Variants in TMC1 observed in about 807,000 individuals in gnomAD.
The protein encoded by TMC1 is transmembrane channel-like protein 1.
TMC1 carries 84 observed loss-of-function variants against 105.8 expected under a neutral mutation model. That is an observed-to-expected ratio of 0.79 (90% confidence interval 0.67 to 0.95). TMC1 has a LOEUF of 0.95. Ranked by LOEUF, TMC1 falls within the 40% of genes least tolerant of loss-of-function variation. The pLI is 0.00. For missense variants in TMC1, 817 were observed against 914.1 expected, an observed-to-expected ratio of 0.89 and a Z score of 1.37; for synonymous variants, 315 against 311.5, an observed-to-expected ratio of 1.01 and a Z score of -0.12.
At chr9:72,566,925 T>A (rs1366445592) in intron 1 of TMC1, among the ~76,000 whole-genome samples, 2 of 152,238 alleles carry the variant, frequency 1.3e-5, no homozygotes, top group African/African-American at 4.8e-5. Flanking sequence ...GCAAGAGAGA[T>A]CTTTCTCAAA....
Position 72,694,594 on chromosome 9 carries a change from G to A in TMC1, c.116G>A (p.Arg39Lys). Residue 39 changes from arginine to lysine, a missense_variant, in exon 7 of 24, where the codon AGA becomes AAA. Coordinates refer to ENST00000297784, the MANE Select transcript of TMC1 (RefSeq NM_138691.3). ...AAGCTACCTCGAAGAGAGAGCTTGA[G>A]ACCAAAGAGGAAACGGACCAGAGAT... Reference protein sequence around the residue: ...EDKLPRRESLRPKRKRTRDVI... With the variant: ...EDKLPRRESLKPKRKRTRDVI... 6.2e-7 allele frequency: 1 copy of A among 1,613,078 alleles called. No individual in the cohort carries two copies. Among genetic ancestry groups the A allele is most frequent in the Non-Finnish European group, 8.5e-7 (1 of 1,179,502 alleles).
At chr9:72,680,868 T>C (rs950943148) in intron 5 of TMC1, among the ~76,000 whole-genome samples, 1 of 152,206 alleles carries the variant, frequency 6.6e-6, no homozygotes, top group Non-Finnish European at 1.5e-5. Context: ...TATGCTTCTT[T>C]ATGCCTTAGG....
At chr9:72,678,957 CT>C (rs1323025058) in intron 5 of TMC1, among the ~76,000 whole-genome samples, 3 of 151,968 alleles carry the variant, frequency 2.0e-5, no homozygotes, top group African/African-American at 4.8e-5. Context: ...GATAAAAATT[CT>C]TAGTATGTTT....
At chr9:72,777,371 C>T (rs972380633) in intron 13 of TMC1, among the ~76,000 whole-genome samples, 1 of 152,132 alleles carries the variant, frequency 6.6e-6, no homozygotes, top group African/African-American at 2.4e-5. Flanking sequence ...GTCAGAGTGC[C>T]TCATAGACCC....
chr9:72,686,729 G>T (rs1826386476), intron 5 of TMC1, among the ~76,000 whole-genome samples: 1 of 152,154 alleles, frequency 6.6e-6, no homozygotes, highest in Non-Finnish European at 1.5e-5. Flanking sequence ...GGCACCTAAG[G>T]AGAATGTGGA....
chr9:72,668,778 C>T (rs1175482265), intron 5 of TMC1, among the ~76,000 whole-genome samples: 2 of 152,018 alleles, frequency 1.3e-5, no homozygotes, highest in African/African-American at 2.4e-5. Flanking sequence ...TCTGGATGTT[C>T]GATTCCTGTT....
chr9:72,804,138 A>G (rs113048775), intron 17 of TMC1, among the ~76,000 whole-genome samples: 2 of 152,340 alleles, frequency 1.3e-5, no homozygotes, highest in African/African-American at 4.8e-5. Flanking sequence ...AGGAACAGAA[A>G]ACCAAACACC....
chr9:72,573,508 G>T (rs1197920999), intron 1 of TMC1, among the ~76,000 whole-genome samples: 1 of 152,162 alleles, frequency 6.6e-6, no homozygotes, highest in Non-Finnish European at 1.5e-5. Flanking sequence ...AGGACAAAAG[G>T]GGCAATTGTT....
chr9:72,694,784 G>A, intron 7 of TMC1, 70 bp downstream of exon 7: 1 of 1,508,072 alleles, frequency 6.6e-7, no homozygotes, highest in Non-Finnish European at 9.0e-7. Flanking sequence ...GATACTCTTT[G>A]ACCTTAAAAT....
At chr9:72,832,323 C>G (rs1227179643) in intron 23 of TMC1, among the ~76,000 whole-genome samples, 1 of 152,170 alleles carries the variant, frequency 6.6e-6, no homozygotes, top group Non-Finnish European at 1.5e-5. Context: ...ATCTCTGAAG[C>G]TAAACTCCTT....
chr9:72,645,577 A>G (rs1340469636), intron 4 of TMC1, among the ~76,000 whole-genome samples: 6 of 152,286 alleles, frequency 3.9e-5, no homozygotes, highest in African/African-American at 1.4e-4. Context: ...AATATCTCTC[A>G]TTATGGGAGT....
At position 72,543,363 on chromosome 9, in the gene TMC1, G is replaced by A. The variant is rs531045398; in HGVS notation, c.-428+21450G>A. On this transcript the variant is annotated intron_variant, in intron 1 of 23. Transcript: ENST00000297784. ...CTTCTTCCCATCTCCCCTGCTACTAGTCTGTCCAGAGCTACAACCACTTCC... is the reference window on the plus strand; with the variant it reads ...CTTCTTCCCATCTCCCCTGCTACTAATCTGTCCAGAGCTACAACCACTTCC... Among the ~76,000 whole-genome samples, 6 of 152,238 alleles carry A rather than the reference G, an allele frequency of 3.9e-5. No homozygotes were observed. In the South Asian group the frequency reaches 1.2e-3, roughly 32 times the overall value.
intron 8 of TMC1, among the ~76,000 whole-genome samples, chr9:72,724,344 T>C (rs1827080307): frequency 6.6e-6 from 1 of 152,178 alleles, no homozygotes; most frequent in Admixed American, 6.5e-5. Flanking sequence ...AATGGGGCTG[T>C]ATTTATCTTT....
chr9:72,627,030 GTTTT>G (rs1261010748), intron 3 of TMC1, among the ~76,000 whole-genome samples: 10 of 127,720 alleles, frequency 7.8e-5, no homozygotes, highest in African/African-American at 2.6e-4. Flanking sequence ...TATGTTGTTG[GTTTT>G]TTTTTTTTTT....
At position 72,836,041 on chromosome 9, in the gene TMC1, C is replaced by T. The variant is rs776047035; in HGVS notation, c.*68C>T. The T allele has an allele frequency of 2.3e-5, 36 of 1,537,300 alleles. No individual in the cohort carries two copies. Among genetic ancestry groups the T allele is most frequent in the Non-Finnish European group, 2.9e-5 (32 of 1,121,030 alleles). The stretch of plus-strand genomic sequence containing the variant: ...GTTTAAAAGTAATGCAATATGTGAA[C>T]GCCCAGAGAACAAGCACTGTGGAAC... On this transcript the variant is annotated 3_prime_UTR_variant, in exon 24 of 24. Coordinates refer to ENST00000297784, the MANE Select transcript of TMC1 (RefSeq NM_138691.3).
At chr9:72,765,119 G>A (rs567317703) in intron 12 of TMC1, among the ~76,000 whole-genome samples, 2 of 152,224 alleles carry the variant, frequency 1.3e-5, no homozygotes, top group Admixed American at 6.5e-5. Flanking sequence ...GGAACAATCC[G>A]GAATTCTTAG....
intron 2 of TMC1, among the ~76,000 whole-genome samples, chr9:72,594,588 C>A (rs17057949): frequency 0.036 from 5,443 of 152,166 alleles, 133 homozygotes; most frequent in Middle Eastern, 0.095. Flanking sequence ...GGTGACATGG[C>A]CTGTTTCGCT....
intron 7 of TMC1, among the ~76,000 whole-genome samples, chr9:72,695,493 G>A (rs1053375077): frequency 3.9e-5 from 6 of 152,014 alleles, no homozygotes; most frequent in African/African-American, 1.5e-4. Context: ...CCCTTGGAAA[G>A]AATGCAAGAG....
intron 5 of TMC1, among the ~76,000 whole-genome samples, chr9:72,664,705 C>G (rs1040680904): frequency 2.0e-5 from 3 of 152,138 alleles, no homozygotes; most frequent in Non-Finnish European, 4.4e-5. Flanking sequence ...CATCCCCTTT[C>G]CAGCTCCCCA....
Sources: allele counts gnomAD v4.1 joint callset (sites outside exome capture counted in the v4.1 genomes callset), GRCh38; gene constraint gnomAD v4.1.1; transcripts MANE v1.5; gene names NCBI Gene and HGNC (gene_info 2026-07-23, HGNC 2026-07-21).